Variants in WBP1L observed in about 807,000 individuals in gnomAD.
WBP1L encodes the protein WW domain binding protein 1 like, also known as WW domain binding protein 1-like.
In WBP1L, 17 loss-of-function variants were observed where a neutral mutation model predicts 33.7. The observed-to-expected ratio is 0.50, with a 90% CI of 0.34 to 0.76. The LOEUF (loss-of-function observed/expected upper bound fraction) is 0.76. Among genes scored for constraint, WBP1L ranks in the 30% least tolerant of loss-of-function variants. The probability of loss-of-function intolerance (pLI) is 0.01; values close to 1 mark genes in which losing one functional copy is unlikely to be tolerated. For missense variants in WBP1L, 389 were observed against 469.4 expected (o/e 0.83, Z 1.58); for synonymous variants, 173 against 190.8 (o/e 0.91, Z 0.77).
chr10:102,754,462 G>A (rs569813510), intron 1 of WBP1L, among the ~76,000 whole-genome samples: 2 of 152,194 alleles, frequency 1.3e-5, no homozygotes, highest in South Asian at 2.1e-4. Flanking sequence ...GCAGCGGTGC[G>A]ATCTCAGCTC....
intron 1 of WBP1L, among the ~76,000 whole-genome samples, chr10:102,763,097 C>G (rs1045310520): frequency 6.7e-6 from 1 of 149,586 alleles, no homozygotes; most frequent in African/African-American, 2.5e-5. Flanking sequence ...CCAGCTACTT[C>G]GGAAGCTGAG....
intron 3 of WBP1L, among the ~76,000 whole-genome samples, chr10:102,810,489 CCCTCCTTCCTTCCTTCCTTCCTTCCT>C (rs1843818367): frequency 2.3e-5 from 1 of 43,172 alleles, no homozygotes; most frequent in African/African-American, 5.9e-5. Flanking sequence ...TTCCTTCCTT[CCCTCCTTCCTTCCTTCCTTCCTTCCT>C]TCCTTCCTTC....
intron 1 of WBP1L, among the ~76,000 whole-genome samples, chr10:102,767,906 C>T (rs894660214): frequency 6.6e-6 from 1 of 152,168 alleles, no homozygotes; most frequent in African/African-American, 2.4e-5. Flanking sequence ...AGGGCCTTGA[C>T]ATTCTACCCC....
rs1842833917 is a variant in WBP1L at position 102,744,216 on chromosome 10, G to C, written c.90+73G>C. ...GAGGCCTGGCTGGAGGGGTCTGAAG[G>C]AGTGTTGTTGCCAAGAGTTGAGGGG... On this transcript the variant is annotated intron_variant, in intron 1 of 3. Transcript: ENST00000448841. The C allele has an allele frequency of 7.0e-6, 10 of 1,436,934 alleles. No individual in the cohort carries two copies. In the East Asian group the frequency reaches 2.4e-4, roughly 34 times the overall value. The allele number at this position is 1,436,934 out of a possible 1,614,324, so 89.0% of individuals were successfully genotyped here. A position where few individuals can be genotyped will look rare whatever the true frequency, so the allele number is the denominator to read the frequency against.
At chr10:102,777,726 G>A (rs181220765) in intron 1 of WBP1L, among the ~76,000 whole-genome samples, 6 of 152,040 alleles carry the variant, frequency 3.9e-5, no homozygotes, top group African/African-American at 7.2e-5. Context: ...CACTATACCC[G>A]GCTAAGTTTT....
rs535629335 is a variant in WBP1L at position 102,750,412 on chromosome 10, CT to C, written c.90+6272del. On this transcript the variant is annotated intron_variant, in intron 1 of 3. Coordinates refer to ENST00000448841, the MANE Select transcript of WBP1L (RefSeq NM_001083913.2). ...CCTGTCTCAAAAAAAGAAAAAAAAA[CT>C]TTATTGAGGTAATTTACATGCCAAA... Among the ~76,000 whole-genome samples, 5 of 151,832 alleles carry C rather than the reference CT, an allele frequency of 3.3e-5. No individual in the cohort carries two copies. The East Asian group carries it at 7.8e-4, about 24-fold the overall frequency.
rs1436104555 is a variant in WBP1L, at chr10:102,809,911, CCAT to C, written c.223_225del (p.Ile75del). 1 of 1,612,924 alleles carries C rather than the reference CCAT, an allele frequency of 6.2e-7. No individual in the cohort carries two copies. On this transcript the variant is annotated inframe_deletion, in exon 3 of 4. Coordinates refer to ENST00000448841, the MANE Select transcript of WBP1L (RefSeq NM_001083913.2). ...CCCCCAGGGTTCTGGCTGGTGTGGACCATCATCATCATCCTGAGCTGCTGCTGT... is the reference window on the plus strand; with the variant it reads ...CCCCCAGGGTTCTGGCTGGTGTGGACCATCATCATCCTGAGCTGCTGCTGT...
rs1316910489 is a variant in WBP1L, at chr10:102,809,923, T to A, written c.224T>A (p.Ile75Asn). The A allele has an allele frequency of 1.2e-6, 2 of 1,613,684 alleles. No homozygotes were observed. Among genetic ancestry groups the A allele is most frequent in the Admixed American group, 3.3e-5 (2 of 59,980 alleles). ...TGGCTGGTGTGGACCATCATCATCA[T>A]CCTGAGCTGCTGCTGTGTTTGCCAC... is the stretch of plus-strand genomic sequence containing the variant. ...WFWLVWTIII[I>N]LSCCCVCHHR... Residue 75 changes from isoleucine to asparagine, a missense_variant, in exon 3 of 4, where the codon ATC becomes AAC. By Grantham distance (149) the Ile-to-Asn change is moderately radical (BLOSUM62 -3). Transcript: ENST00000448841.
At chr10:102,778,387 AT>A (rs1843293957) in intron 1 of WBP1L, among the ~76,000 whole-genome samples, 1 of 152,158 alleles carries the variant, frequency 6.6e-6, no homozygotes, top group African/African-American at 2.4e-5. Flanking sequence ...TGTTAATCTT[AT>A]ATACTGAGGT....
chr10:102,770,324 T>C (rs997835336), intron 1 of WBP1L, among the ~76,000 whole-genome samples: 2 of 152,166 alleles, frequency 1.3e-5, no homozygotes, highest in African/African-American at 4.8e-5. Context: ...AAAGATCTCT[T>C]ATCTTAGACA....
intron 1 of WBP1L, among the ~76,000 whole-genome samples, chr10:102,745,738 A>G (rs1842857304): frequency 6.6e-6 from 1 of 152,224 alleles, no homozygotes; most frequent in Admixed American, 6.5e-5. Context: ...TGTGTATACT[A>G]GAAATACCAT....
At chr10:102,769,958 A>T (rs545266353) in intron 1 of WBP1L, among the ~76,000 whole-genome samples, 3 of 152,218 alleles carry the variant, frequency 2.0e-5, no homozygotes, top group Non-Finnish European at 4.4e-5. Context: ...GCCCAGAAGC[A>T]GGAGAGGTGT....
chr10:102,797,967 G>A (rs141143099), intron 1 of WBP1L, 26 bp from the exon 2 acceptor site: 1 of 1,595,038 alleles, frequency 6.3e-7, no homozygotes, highest in Middle Eastern at 2.0e-4. Flanking sequence ...CATTTAATAT[G>A]CTAACATGCT....
chr10:102,766,668 A>G (rs936880111), intron 1 of WBP1L, among the ~76,000 whole-genome samples: 1 of 151,346 alleles, frequency 6.6e-6, no homozygotes. Context: ...CCATGTCTCT[A>G]TTGAAAATAC....
chr10:102,744,175 G>A, intron 1 of WBP1L, 32 bp downstream of exon 1: 1 of 1,528,156 alleles, frequency 6.5e-7, no homozygotes. Flanking sequence ...GGCCATGTTG[G>A]GTCCTGGGGG....
chr10:102,749,280 A>G (rs1376603105), intron 1 of WBP1L, among the ~76,000 whole-genome samples: 1 of 152,106 alleles, frequency 6.6e-6, no homozygotes, highest in Non-Finnish European at 1.5e-5. Context: ...TTTTTTAGAG[A>G]CAGAATCTTG....
At chr10:102,748,343 A>G (rs534636123) in intron 1 of WBP1L, among the ~76,000 whole-genome samples, 5 of 151,938 alleles carry the variant, frequency 3.3e-5, no homozygotes, top group South Asian at 2.1e-4. Flanking sequence ...CTCACCCTCA[A>G]TGGTATACCC....
At chr10:102,788,427 T>TGTAAAAATATAG (rs911784741) in intron 1 of WBP1L, among the ~76,000 whole-genome samples, 2 of 151,864 alleles carry the variant, frequency 1.3e-5, no homozygotes, top group African/African-American at 4.8e-5. Flanking sequence ...ACTTTCTAAT[T>TGTAAAAATATAG]GTAAAAATAT....
At chr10:102,758,164 C>T (rs1843000349) in intron 1 of WBP1L, among the ~76,000 whole-genome samples, 2 of 151,830 alleles carry the variant, frequency 1.3e-5, no homozygotes, top group African/African-American at 4.8e-5. Context: ...GGATTACAGG[C>T]GTGAGCCACC....
Sources: allele counts gnomAD v4.1 joint callset (sites outside exome capture counted in the v4.1 genomes callset), GRCh38; gene constraint gnomAD v4.1.1; transcripts MANE v1.5; gene names NCBI Gene and HGNC (gene_info 2026-07-23, HGNC 2026-07-21).